Variants in LYPD5 observed in about 807,000 individuals in gnomAD.
LYPD5 encodes the protein ly6/PLAUR domain-containing protein 5.
In LYPD5, 21 loss-of-function variants were observed where a neutral mutation model predicts 19.1. The observed-to-expected ratio is 1.10, with a 90% CI of 0.78 to 1.58. The LOEUF (loss-of-function observed/expected upper bound fraction) is 1.58. Among genes scored for constraint, LYPD5 ranks in the 40% most tolerant of loss-of-function variants. The pLI, the probability that LYPD5 is intolerant of heterozygous loss-of-function variation, is 0.00. For synonymous variants in LYPD5, 128 were observed against 142.7 expected (o/e 0.90, Z 0.74); for missense variants, 287 against 329.8 (o/e 0.87, Z 1.00).
intron 1 of LYPD5, among the ~76,000 whole-genome samples, chr19:43,811,283 A>G (rs75924629): frequency 7.1e-5 from 7 of 98,888 alleles, no homozygotes; most frequent in South Asian, 3.0e-4. Flanking sequence ...AGATTGAGGG[A>G]AAAAAAAATG....
chr19:43,805,954 C>T (rs1451380382), upstream of LYPD5, among the ~76,000 whole-genome samples: 1 of 152,150 alleles, frequency 6.6e-6, no homozygotes, highest in Admixed American at 6.5e-5. Flanking sequence ...TCTTGCAAAA[C>T]TGAAACTCTT....
chr19:43,820,368 T>C (rs1384064651), intron 1 of LYPD5: 1 of 152,352 alleles, frequency 6.6e-6, no homozygotes, highest in East Asian at 1.9e-4. Flanking sequence ...CACATAATAT[T>C]GCACACACCC....
Position 43,797,774 on chromosome 19 carries a change from G to T in LYPD5, c.573C>A (p.Thr191=), listed in dbSNP as rs146267807. The T allele has an allele frequency of 1.7e-5, 27 of 1,613,936 alleles. No individual in the cohort carries two copies. In the East Asian group the frequency reaches 4.7e-4, roughly 28 times the overall value. The change falls in exon 5 of 5, where the codon ACC becomes ACA. Residue 191 remains threonine, a synonymous_variant. Coordinates refer to ENST00000377950, the MANE Select transcript of LYPD5 (RefSeq NM_001031749.3). ...CTGTCCAGGGGCTGGTGGTGCCCTC[G>T]GTGGTGCAGGAGGGCCGGTGGCAGG... ...IRTCHRPSCT[T]EGTTSPWTAI...
intron 1 of LYPD5, among the ~76,000 whole-genome samples, chr19:43,800,621 T>C (rs925117698): frequency 1.4e-4 from 21 of 152,162 alleles, no homozygotes; most frequent in African/African-American, 4.8e-4. Flanking sequence ...AATTATGCGA[T>C]GTTTAGAGAT....
At position 43,797,587 on chromosome 19, in the gene LYPD5, C is replaced by T. The variant is rs773452931; in HGVS notation, c.*4G>A. On this transcript the variant is annotated 3_prime_UTR_variant, in exon 5 of 5. Transcript: ENST00000377950. ...CCCTGTCCCCAGCATCCTGGAGGGG[C>T]GGTCTATGCTGAGAGCCCCACCAGC... 31 of 1,583,916 alleles carry T rather than the reference C, an allele frequency of 2.0e-5. No homozygotes were observed. Among genetic ancestry groups the T allele is most frequent in the Admixed American group, 3.4e-5 (2 of 58,388 alleles).
chr19:43,819,446 G>A (rs1169682657), intron 1 of LYPD5, among the ~76,000 whole-genome samples: 3 of 151,814 alleles, frequency 2.0e-5, no homozygotes, highest in Non-Finnish European at 2.9e-5. Context: ...TAGTTCTAGC[G>A]GGTTACAGTG....
Position 43,799,759 on chromosome 19 carries a change from G to A in LYPD5, c.140C>T (p.Pro47Leu), listed in dbSNP as rs116523509. Residue 47 changes from proline to leucine, a missense_variant, in exon 2 of 5, where the codon CCC (proline) becomes CTC (leucine). Pro to Leu is a moderately conservative substitution (Grantham distance 98, BLOSUM62 -3). Transcript: ENST00000377950. ...GCACTCATGAGGACAGGAGATGCTGGGCAGCTTCATGGCCCTGAGGTCAAA... is the reference window on the plus strand; with the variant it reads ...GCACTCATGAGGACAGGAGATGCTGAGCAGCTTCATGGCCCTGAGGTCAAA... ...GPFDLRAMKL[P>L]SISCPHECFE... 6.2e-7 allele frequency: 1 copy of A among 1,613,974 alleles called. No homozygotes were observed. Among genetic ancestry groups the A allele is most frequent in the South Asian group, 1.1e-5 (1 of 91,034 alleles).
chr19:43,804,497 T>C (rs436031), upstream of LYPD5, among the ~76,000 whole-genome samples: 28,162 of 152,106 alleles, frequency 0.19, 3,281 homozygotes, highest in East Asian at 0.48. Flanking sequence ...CACCCTAGCA[T>C]ATTTGTTTCA....
At chr19:43,799,402 C>A (rs1201086881) in intron 2 of LYPD5, among the ~76,000 whole-genome samples, 1 of 152,132 alleles carries the variant, frequency 6.6e-6, no homozygotes, top group African/African-American at 2.4e-5. Context: ...CGCCACCACG[C>A]CCAGCTAACT....
intron 2 of LYPD5, among the ~76,000 whole-genome samples, chr19:43,799,450 GGC>G (rs1171488093): frequency 6.6e-6 from 1 of 152,036 alleles, no homozygotes; most frequent in Non-Finnish European, 1.5e-5. Context: ...TTGCCATGTT[GGC>G]CAGGCTGGTC....
chr19:43,812,141 G>A (rs1487112060), intron 1 of LYPD5, among the ~76,000 whole-genome samples: 2 of 152,124 alleles, frequency 1.3e-5, no homozygotes, highest in Admixed American at 1.3e-4. Flanking sequence ...CATGGGAGTT[G>A]CAACGTTCCA....
intron 1 of LYPD5, among the ~76,000 whole-genome samples, chr19:43,813,874 G>C (rs1488368424): frequency 1.3e-5 from 2 of 152,134 alleles, no homozygotes; most frequent in Non-Finnish European, 2.9e-5. Context: ...TTTTAGCAGA[G>C]ATGGGGTTTC....
rs779489365 is a variant in LYPD5 at position 43,799,725 on chromosome 19, A to G, written c.174T>C (p.Ala58=). 5 of 1,613,660 alleles carry G rather than the reference A, an allele frequency of 3.1e-6. No individual in the cohort carries two copies. The Admixed American group carries it at 8.3e-5, about 27-fold the overall frequency. ...SISCPHECFE[A]ILSLDTGYRA... is the part of the protein sequence containing the mutation. The stretch of plus-strand genomic sequence containing the variant: ...CCTTACCGGTGTCCAGAGACAGGAT[A>G]GCCTCAAAGCACTCATGAGGACAGG... The change falls in exon 2 of 5, where the codon GCT becomes GCC. Residue 58 remains alanine (A), a synonymous_variant. Transcript: ENST00000377950.
At chr19:43,812,378 A>AATCT (rs1970333753) in intron 1 of LYPD5, among the ~76,000 whole-genome samples, 1 of 54,940 alleles carries the variant, frequency 1.8e-5, no homozygotes, top group Non-Finnish European at 4.1e-5. Flanking sequence ...TCTATCTATC[A>AATCT]ATCTATCATC....
In LYPD5 at chr19:43,801,377, T is replaced by C. The variant is rs145481119; in HGVS notation, c.64+940A>G. On this transcript the variant is annotated intron_variant, in intron 1 of 4. Transcript: ENST00000377950. Reference sequence around the variant, plus strand: ...TTAGCCAGGCGCAGTGGCACATGCCTATAGTCACAGTTACTCAGGAGGCTG... The same window carrying C: ...TTAGCCAGGCGCAGTGGCACATGCCCATAGTCACAGTTACTCAGGAGGCTG... 2.9e-3 allele frequency among the ~76,000 whole-genome samples: 448 copies of C among 152,234 alleles called. 2 individuals carry two copies. Among genetic ancestry groups the C allele is most frequent in the African/African-American group, 7.1e-3 (293 of 41,542 alleles).
At chr19:43,812,335 T>TTCTATCTATCCA (rs1555729214) in intron 1 of LYPD5, among the ~76,000 whole-genome samples, 1 of 143,274 alleles carries the variant, frequency 7.0e-6, no homozygotes, top group Non-Finnish European at 1.5e-5. Context: ...TGGTTATTTT[T>TTCTATCTATCCA]TCTATCTATC....
intron 1 of LYPD5, among the ~76,000 whole-genome samples, chr19:43,810,379 C>T (rs1970309927): frequency 6.6e-6 from 1 of 151,974 alleles, no homozygotes; most frequent in African/African-American, 2.4e-5. Flanking sequence ...CTCTGTTACC[C>T]AGGCTGGAGT....
intron 1 of LYPD5, among the ~76,000 whole-genome samples, chr19:43,809,563 G>C (rs1222458248): frequency 6.6e-6 from 1 of 151,662 alleles, no homozygotes; most frequent in Admixed American, 6.6e-5. Flanking sequence ...GCTAATTTTT[G>C]GTATTTTTAG....
intron 1 of LYPD5, among the ~76,000 whole-genome samples, chr19:43,809,422 C>G (rs914679480): frequency 4.6e-5 from 7 of 151,776 alleles, no homozygotes; most frequent in Non-Finnish European, 8.8e-5. Flanking sequence ...TTCTTGTCAC[C>G]CAGGCTGGAG....
Sources: allele counts gnomAD v4.1 joint callset (sites outside exome capture counted in the v4.1 genomes callset), GRCh38; gene constraint gnomAD v4.1.1; transcripts MANE v1.5; gene names NCBI Gene and HGNC (gene_info 2026-07-23, HGNC 2026-07-21).